Variants in MAGI2 observed in about 807,000 individuals in gnomAD.
The protein encoded by MAGI2 is membrane associated guanylate kinase, WW and PDZ domain containing 2.
A neutral mutation model predicts 133.3 loss-of-function variants in MAGI2; 35 were observed. The observed-to-expected ratio is 0.26, with a 90% CI of 0.20 to 0.35. The LOEUF (loss-of-function observed/expected upper bound fraction) is 0.35. Among genes scored for constraint, MAGI2 ranks in the 10% least tolerant of loss-of-function variants. The pLI is 1.00. For synonymous variants in MAGI2, 729 were observed against 710.6 expected (o/e 1.03, Z -0.41); for missense variants, 1,636 against 1,863.4 (o/e 0.88, Z 2.25).
chr7:78,848,401 A>G (rs1792819973), intron 2 of MAGI2, among the ~76,000 whole-genome samples: 1 of 151,984 alleles, frequency 6.6e-6, no homozygotes, highest in African/African-American at 2.4e-5. Flanking sequence ...AATCAGCTTT[A>G]TGTCTTGATT....
At chr7:78,208,973 A>G (rs1006670326) in intron 10 of MAGI2, among the ~76,000 whole-genome samples, 1 of 151,696 alleles carries the variant, frequency 6.6e-6, no homozygotes, top group Non-Finnish European at 1.5e-5. Context: ...CTGTAATCCC[A>G]GCACTTTGGG....
At position 79,207,981 on chromosome 7, in the gene MAGI2, C is replaced by CA. The variant is rs1303460268; in HGVS notation, c.302-200776dup. Reference sequence around the variant, plus strand: ...AATGATGCTGGGAAAACTGGATAGCCACCTGCAGAAGAATGAAATTAGACC... The same window carrying CA: ...AATGATGCTGGGAAAACTGGATAGCCAACCTGCAGAAGAATGAAATTAGACC... On this transcript the variant is annotated intron_variant, in intron 1 of 21. Transcript: ENST00000354212. 2.2e-4 allele frequency among the ~76,000 whole-genome samples: 33 copies of CA among 151,952 alleles called. 1 individual carries two copies. The highest frequency in any genetic ancestry group is 2.2e-3 in the Admixed American group (33 of 15,258).
At chr7:78,221,616 C>T (rs981854115) in intron 10 of MAGI2, among the ~76,000 whole-genome samples, 5 of 152,050 alleles carry the variant, frequency 3.3e-5, no homozygotes, top group South Asian at 4.2e-4. Context: ...AAATCCATAT[C>T]GCTCATATTA....
chr7:78,682,958 T>C (rs1219402842), intron 2 of MAGI2, among the ~76,000 whole-genome samples: 13 of 152,214 alleles, frequency 8.5e-5, no homozygotes, highest in East Asian at 3.8e-4. Flanking sequence ...ACCTGAAATC[T>C]TTTGTGGCTC....
At chr7:78,864,173 T>A (rs575117411) in intron 2 of MAGI2, among the ~76,000 whole-genome samples, 15 of 152,330 alleles carry the variant, frequency 9.8e-5, no homozygotes, top group Non-Finnish European at 2.1e-4. Flanking sequence ...ATACTATATG[T>A]GCTGGCTGAC....
chr7:79,042,828 T>A (rs916564036), intron 1 of MAGI2, among the ~76,000 whole-genome samples: 4 of 152,122 alleles, frequency 2.6e-5, no homozygotes, highest in African/African-American at 9.6e-5. Flanking sequence ...ATCAGCCACA[T>A]AATTGGCCAT....
At chr7:78,401,470 C>CCT in intron 6 of MAGI2, among the ~76,000 whole-genome samples, 1 of 148,366 alleles carries the variant, frequency 6.7e-6, no homozygotes, top group Non-Finnish European at 1.5e-5. Flanking sequence ...TCTCTCTCCC[C>CCT]CTCTCTCTCT....
intron 2 of MAGI2, among the ~76,000 whole-genome samples, chr7:78,787,139 G>T (rs537456594): frequency 1.3e-5 from 2 of 152,138 alleles, no homozygotes; most frequent in East Asian, 3.9e-4. Flanking sequence ...GTAGAGAGGG[G>T]GTTTCACCAT....
intron 9 of MAGI2, among the ~76,000 whole-genome samples, chr7:78,287,187 C>A (rs1315229123): frequency 6.6e-6 from 1 of 152,104 alleles, no homozygotes; most frequent in African/African-American, 2.4e-5. Context: ...AGGTAACAGA[C>A]AACGAGGTCC....
intron 6 of MAGI2, among the ~76,000 whole-genome samples, chr7:78,474,555 G>C (rs1347877177): frequency 3.9e-5 from 6 of 152,030 alleles, no homozygotes; most frequent in South Asian, 4.1e-4. Flanking sequence ...TCAAAATTCA[G>C]AGTGAGATCT....
chr7:78,303,197 G>A (rs1797980194), intron 9 of MAGI2, among the ~76,000 whole-genome samples: 1 of 151,946 alleles, frequency 6.6e-6, no homozygotes, highest in Non-Finnish European at 1.5e-5. Flanking sequence ...GGCCAACATG[G>A]TGAAACCCCG....
intron 1 of MAGI2, among the ~76,000 whole-genome samples, chr7:79,401,816 C>A (rs909144595): frequency 2.0e-5 from 3 of 151,906 alleles, no homozygotes; most frequent in Non-Finnish European, 1.5e-5. Flanking sequence ...ACGTGATGAA[C>A]AGAAAGTCTT....
intron 2 of MAGI2, among the ~76,000 whole-genome samples, chr7:78,767,012 G>C (rs1825097687): frequency 6.7e-6 from 1 of 149,290 alleles, no homozygotes; most frequent in South Asian, 2.1e-4. Flanking sequence ...TTTTTGAGAT[G>C]GAGTCTTGCT....
At chr7:79,174,215 T>C (rs2191810) in intron 1 of MAGI2, among the ~76,000 whole-genome samples, 8,409 of 152,086 alleles carry the variant, frequency 0.055, 483 homozygotes, top group East Asian at 0.16. Flanking sequence ...CAATAAATAA[T>C]TTGGGGTAAT....
intron 6 of MAGI2, among the ~76,000 whole-genome samples, chr7:78,481,497 G>C (rs1792368965): frequency 6.6e-6 from 1 of 151,992 alleles, no homozygotes; most frequent in Non-Finnish European, 1.5e-5. Flanking sequence ...TGAGATTTGG[G>C]TGGGGACATA....
chr7:78,287,458 A>T (rs747865716), intron 9 of MAGI2, among the ~76,000 whole-genome samples: 25 of 152,212 alleles, frequency 1.6e-4, no homozygotes, highest in Non-Finnish European at 2.8e-4. Context: ...GGAGCATATC[A>T]TGTAGACAAT....
At chr7:79,327,691 ACACT>A (rs988935617) in intron 1 of MAGI2, among the ~76,000 whole-genome samples, 20 of 152,242 alleles carry the variant, frequency 1.3e-4, no homozygotes, top group South Asian at 2.1e-4. Context: ...ACACACACAC[ACACT>A]CACTCACACT....
intron 1 of MAGI2, among the ~76,000 whole-genome samples, chr7:79,245,008 T>C (rs1832719614): frequency 6.6e-6 from 1 of 152,164 alleles, no homozygotes; most frequent in South Asian, 2.1e-4. Flanking sequence ...ATGACATTTC[T>C]AGATACACCC....
intron 21 of MAGI2, among the ~76,000 whole-genome samples, chr7:78,043,574 C>G (rs991960115): frequency 3.9e-5 from 6 of 152,194 alleles, no homozygotes; most frequent in East Asian, 1.9e-4. Flanking sequence ...TTCAGAGAGT[C>G]CCAGAGGAAG....
Sources: gnomAD v4.1 joint callset for allele counts (sites outside exome capture counted in the v4.1 genomes callset) on GRCh38, gnomAD v4.1.1 for gene constraint, MANE v1.5 for transcripts, NCBI Gene and HGNC (gene_info 2026-07-23, HGNC 2026-07-21) for gene names.